The following MAPK14 variants were observed in gnomAD, a reference collection of about 807,000 sequenced individuals.
The protein encoded by MAPK14 is CSAID-binding protein.
A neutral mutation model predicts 49.6 loss-of-function variants in MAPK14; 16 were observed. The observed-to-expected ratio is 0.32, with a 90% confidence interval of 0.22 to 0.49. The LOEUF (loss-of-function observed/expected upper bound fraction) is 0.49, where lower values mean the gene tolerates loss of function less well. Among genes scored for constraint, MAPK14 ranks in the 20% least tolerant of loss-of-function variants. The pLI is 0.99. For missense variants in MAPK14, 200 were observed against 441.2 expected (o/e 0.45, Z 4.90); for synonymous variants, 142 against 158.0 (o/e 0.90, Z 0.76).
intron 9 of MAPK14, among the ~76,000 whole-genome samples, chr6:36,102,099 G>A (rs1264179778): frequency 2.6e-5 from 4 of 152,134 alleles, no homozygotes; most frequent in Non-Finnish European, 5.9e-5. Context: ...TGTTACCACC[G>A]TTACTTTGTT....
the MAPK14 span, among the ~76,000 whole-genome samples, chr6:36,120,116 C>T: frequency 1.3e-5 from 2 of 152,220 alleles, no homozygotes; most frequent in East Asian, 1.9e-4. Context: ...CTTGATCAAT[C>T]GGGGCCTCAG....
rs916942620 is a variant in MAPK14, at chr6:36,107,297, C to T, written c.842-158C>T. 2.0e-5 allele frequency among the ~76,000 whole-genome samples: 3 copies of T among 151,940 alleles called. No individual in the cohort carries two copies. In the South Asian group the frequency reaches 6.2e-4, roughly 32 times the overall value. On this transcript the variant is annotated intron_variant, in intron 10 of 11. Transcript: ENST00000229794. This position sits in a 1 kb window ranked among gnomAD's most constrained non-coding sequence, Gnocchi z 4.3. ...ACACACACACACACACACACATACA[C>T]ACATAAAGGAGAAGAGGGCTAATAT...
the MAPK14 span, among the ~76,000 whole-genome samples, chr6:36,117,226 A>G: frequency 0.12 from 18,479 of 152,066 alleles, 1,237 homozygotes; most frequent in African/African-American, 0.19. Context: ...AAGAGAAACT[A>G]CCTTTTCCCT....
chr6:36,101,449 T>G (rs1425548997), intron 9 of MAPK14, among the ~76,000 whole-genome samples: 3 of 152,012 alleles, frequency 2.0e-5, no homozygotes, highest in Non-Finnish European at 4.4e-5. Context: ...AAAAAAATTT[T>G]TTTAATAAAT....
rs781096933 is a variant in MAPK14 at position 36,103,098 on chromosome 6, G to C, written c.841+449G>C. On this transcript the variant is annotated intron_variant, in intron 10 of 11. Coordinates refer to ENST00000229794, the MANE Select transcript of MAPK14 (RefSeq NM_139012.3). ...GTGCTCTGCTCTAACGGTAGCTGCCGTTGCTACAGATCCTGTCGTCTTCCA... is the reference window on the plus strand; with the variant it reads ...GTGCTCTGCTCTAACGGTAGCTGCCCTTGCTACAGATCCTGTCGTCTTCCA... Among the ~76,000 whole-genome samples, 3 of 152,192 alleles carry C rather than the reference G, an allele frequency of 2.0e-5. No individual in the cohort carries two copies. In the East Asian group the frequency reaches 5.8e-4, roughly 29 times the overall value.
intron 1 of MAPK14, among the ~76,000 whole-genome samples, chr6:36,042,443 C>T (rs1762997167): frequency 6.8e-6 from 1 of 146,850 alleles, no homozygotes; most frequent in South Asian, 2.2e-4. Context: ...AGGTCATAAA[C>T]AATCAGCTTT....
intron 2 of MAPK14, among the ~76,000 whole-genome samples, chr6:36,057,840 G>T (rs532096715): frequency 6.6e-6 from 1 of 152,258 alleles, no homozygotes; most frequent in African/African-American, 2.4e-5. Context: ...TGTTTAAGTT[G>T]GCAGTTTAGA....
intron 8 of MAPK14, among the ~76,000 whole-genome samples, chr6:36,086,929 A>G (rs761022670): frequency 1.1e-4 from 16 of 152,244 alleles, no homozygotes; most frequent in Non-Finnish European, 1.6e-4. Flanking sequence ...CAGCATGTCA[A>G]AAGCTTATCC....
chr6:36,096,150 G>T, intron 9 of MAPK14, 84 bp downstream of exon 9: 2 of 939,050 alleles, frequency 2.1e-6, no homozygotes, highest in Non-Finnish European at 3.4e-6. Flanking sequence ...ACCTGGGTGT[G>T]TTTGTAAGCA....
the MAPK14 span, among the ~76,000 whole-genome samples, chr6:36,119,434 C>T: frequency 5.3e-5 from 8 of 152,142 alleles, no homozygotes; most frequent in South Asian, 1.0e-3. Flanking sequence ...GAAGCTTTCT[C>T]GTATGTCAAC....
At chr6:36,116,320 TCAAA>T in the MAPK14 span, among the ~76,000 whole-genome samples, 1 of 152,104 alleles carries the variant, frequency 6.6e-6, no homozygotes, top group East Asian at 1.9e-4. Context: ...GGTAAAAATT[TCAAA>T]CAAACAATTA....
the MAPK14 span, among the ~76,000 whole-genome samples, chr6:36,124,118 TCCTC>T: frequency 8.8e-4 from 34 of 38,644 alleles, no homozygotes; most frequent in South Asian, 1.7e-3. Flanking sequence ...TCTCTCTCTC[TCCTC>T]CCTCCCTCCC....
At chr6:36,054,040 A>T (rs1223349776) in intron 2 of MAPK14, among the ~76,000 whole-genome samples, 2 of 140,448 alleles carry the variant, frequency 1.4e-5, no homozygotes, top group African/African-American at 2.7e-5. Flanking sequence ...CAGCCTTCCT[A>T]ATCAGTGACA....
intron 3 of MAPK14, among the ~76,000 whole-genome samples, chr6:36,062,882 G>A (rs1445724770): frequency 6.6e-6 from 1 of 151,846 alleles, no homozygotes; most frequent in Non-Finnish European, 1.5e-5. Flanking sequence ...GGTCATGAAC[G>A]CTTGACCTCA....
At chr6:36,117,964 A>G in the MAPK14 span, among the ~76,000 whole-genome samples, 1 of 152,268 alleles carries the variant, frequency 6.6e-6, no homozygotes, top group Non-Finnish European at 1.5e-5. Context: ...AAGATCATTT[A>G]AAGAAAAACC....
intron 9 of MAPK14, 109 bp from the exon 10 acceptor site, chr6:36,102,462 T>C: frequency 1.3e-6 from 1 of 787,530 alleles, no homozygotes; most frequent in Non-Finnish European, 2.2e-6. Context: ...AACACTGAAG[T>C]TAGTGGACTT....
At position 36,107,349 on chromosome 6, in the gene MAPK14, A is replaced by T; in HGVS notation, c.842-106A>T. On this transcript the variant is annotated intron_variant, in intron 10 of 11. Transcript: ENST00000229794. The surrounding 1 kb of genome is among the most constrained non-coding windows in gnomAD (Gnocchi z 4.3). ...TCCTAGAGTAGGTATTTTGGAGGAG[A>T]GTTCTTTGTTTGGATATGAAGGGTC... 1 of 673,702 alleles carries T rather than the reference A, an allele frequency of 1.5e-6. No homozygotes were observed. The highest frequency in any genetic ancestry group is 2.8e-5 in the South Asian group (1 of 35,744). 41.7% of individuals were successfully genotyped at this position (673,702 alleles called of 1,614,324 possible).
Position 36,028,081 on chromosome 6 carries a change from A to G in MAPK14, c.-77A>G, listed in dbSNP as rs1762377835. The G allele has an allele frequency of 1.1e-6, 1 of 937,518 alleles. No individual in the cohort carries two copies. Among genetic ancestry groups the G allele is most frequent in the Non-Finnish European group, 1.6e-6 (1 of 612,598 alleles). 58.1% of individuals were successfully genotyped at this position (937,518 alleles called of 1,614,324 possible). A position where few individuals can be genotyped will look rare whatever the true frequency, so the allele number is the denominator to read the frequency against. ...GTCCCCGCCCGGCTGGGCGGGCAGC[A>G]AGGGCCGGGGAGAGGGTGCGGGTGC... is the stretch of plus-strand genomic sequence containing the variant. On this transcript the variant is annotated 5_prime_UTR_variant, in exon 1 of 12. Coordinates refer to ENST00000229794, the MANE Select transcript of MAPK14 (RefSeq NM_139012.3). The surrounding 1 kb of genome is among the most constrained non-coding windows in gnomAD (Gnocchi z 5.1).
intron 1 of MAPK14, among the ~76,000 whole-genome samples, chr6:36,041,943 A>G (rs1377604293): frequency 6.6e-6 from 1 of 152,206 alleles, no homozygotes; most frequent in African/African-American, 2.4e-5. Context: ...ATTGTGAGTT[A>G]TAGTGGTCAG....
Sources: allele counts gnomAD v4.1 joint callset (sites outside exome capture counted in the v4.1 genomes callset), GRCh38; gene constraint gnomAD v4.1.1; non-coding constraint Gnocchi (gnomAD v3.1); transcripts MANE v1.5; gene names NCBI Gene and HGNC (gene_info 2026-07-23, HGNC 2026-07-21).